CACNG3: variants seen among roughly 807,000 people sequenced by gnomAD.
CACNG3 encodes the protein calcium voltage-gated channel auxiliary subunit gamma 3, also known as voltage-dependent calcium channel gamma-3 subunit.
In CACNG3, 3 loss-of-function variants were observed where a neutral mutation model predicts 28.5. That is an observed-to-expected ratio of 0.11 (90% CI 0.05 to 0.27). CACNG3 has a LOEUF of 0.27. Among genes scored for constraint, CACNG3 ranks in the 10% least tolerant of loss-of-function variants. The probability of loss-of-function intolerance (pLI) is 1.00; values close to 1 mark genes in which losing one functional copy is unlikely to be tolerated. For synonymous variants in CACNG3, 174 were observed against 162.2 expected (o/e 1.07, Z -0.55); for missense variants, 236 against 414.4 (o/e 0.57, Z 3.74).
rs143753573 is a variant in CACNG3 at position 24,361,186 on chromosome 16, A to C, written c.437-166A>C. Among the ~76,000 whole-genome samples, 25 of 152,290 alleles carry C rather than the reference A, an allele frequency of 1.6e-4. No homozygotes were observed. In the East Asian group the frequency reaches 2.7e-3, roughly 16 times the overall value. On this transcript the variant is annotated intron_variant, in intron 3 of 3. Coordinates refer to ENST00000005284, the MANE Select transcript of CACNG3 (RefSeq NM_006539.4). The surrounding 1 kb of genome is among the most constrained non-coding windows in gnomAD (Gnocchi z 6.8). ...TGAGCAGCAGAATTCTTCATTTCCTAAGTGACAGACCATGCAAGAAGAACT... is the reference window on the plus strand; with the variant it reads ...TGAGCAGCAGAATTCTTCATTTCCTCAGTGACAGACCATGCAAGAAGAACT...
At chr16:24,322,174 C>T (rs1384414735) in intron 1 of CACNG3, among the ~76,000 whole-genome samples, 1 of 152,158 alleles carries the variant, frequency 6.6e-6, no homozygotes, top group Admixed American at 6.5e-5. Flanking sequence ...CCCTCACCCC[C>T]ACCCTGTGCC....
At chr16:24,272,189 C>T (rs1283208300) in intron 1 of CACNG3, among the ~76,000 whole-genome samples, 2 of 149,638 alleles carry the variant, frequency 1.3e-5, no homozygotes, top group East Asian at 1.9e-4. Context: ...TATATTTTTC[C>T]TATTGTATTT....
intron 1 of CACNG3, among the ~76,000 whole-genome samples, chr16:24,322,199 C>T (rs948915432): frequency 3.9e-5 from 6 of 152,194 alleles, no homozygotes; most frequent in African/African-American, 9.7e-5. Context: ...TGATGACTCT[C>T]ACTCTCCCAT....
chr16:24,259,935 T>C (rs1235470536), intron 1 of CACNG3, among the ~76,000 whole-genome samples: 3 of 152,356 alleles, frequency 2.0e-5, no homozygotes, highest in Admixed American at 1.3e-4. Context: ...CCTGCTTCCA[T>C]AGGTCTGAGG....
At chr16:24,359,509 A>G (rs1175574112) in intron 3 of CACNG3, among the ~76,000 whole-genome samples, 1 of 152,198 alleles carries the variant, frequency 6.6e-6, no homozygotes, top group Admixed American at 6.5e-5. Context: ...GAGAAGCAGC[A>G]AATTTTAGCC....
intron 1 of CACNG3, among the ~76,000 whole-genome samples, chr16:24,281,003 C>T (rs1302454745): frequency 6.6e-6 from 1 of 151,886 alleles, no homozygotes; most frequent in Non-Finnish European, 1.5e-5. Flanking sequence ...AGAGAAAAAG[C>T]CCTATTGCTC....
At chr16:24,335,429 C>CATAT (rs1227911147) in intron 1 of CACNG3, among the ~76,000 whole-genome samples, 12 of 151,932 alleles carry the variant, frequency 7.9e-5, no homozygotes, top group African/African-American at 2.9e-4. Flanking sequence ...CAAATACATA[C>CATAT]ATACATACAT....
At chr16:24,348,970 C>T (rs748227832) in intron 2 of CACNG3, among the ~76,000 whole-genome samples, 6 of 152,226 alleles carry the variant, frequency 3.9e-5, no homozygotes, top group Admixed American at 6.5e-5. Context: ...CCTCTCTCCT[C>T]ACCCCTAGCC....
rs756804068 is a variant in CACNG3, at chr16:24,361,491, A to G, written c.576A>G (p.Val192=). 1.9e-6 allele frequency: 3 copies of G among 1,614,104 alleles called. No homozygotes were observed. Residue 192 remains valine, a synonymous_variant, in exon 4 of 4, where the codon GTA becomes GTG. Transcript: ENST00000005284. The surrounding 1 kb of genome is among the most constrained non-coding windows in gnomAD (Gnocchi z 6.8). ...TCTCTTTCATCATCGCAGAAATTGT[A>G]GGAGTGGTTGCCGTGCACATCTATA... The part of the protein sequence containing the change: ...GAFSFIIAEI[V]GVVAVHIYIE...
intron 1 of CACNG3, among the ~76,000 whole-genome samples, chr16:24,299,145 C>T (rs999613732): frequency 2.0e-5 from 3 of 152,128 alleles, no homozygotes; most frequent in Non-Finnish European, 2.9e-5. Flanking sequence ...CTTGAGGGGG[C>T]TGTGTTTACA....
chr16:24,340,095 C>T (rs186697925), intron 1 of CACNG3, among the ~76,000 whole-genome samples: 1 of 152,204 alleles, frequency 6.6e-6, no homozygotes, highest in East Asian at 1.9e-4. Flanking sequence ...CATGGCAAGA[C>T]CCCCATCTCT....
At chr16:24,282,735 T>A (rs1898845626) in intron 1 of CACNG3, among the ~76,000 whole-genome samples, 1 of 152,236 alleles carries the variant, frequency 6.6e-6, no homozygotes, top group Non-Finnish European at 1.5e-5. Context: ...CACATATGTA[T>A]GTATATGTGT....
intron 1 of CACNG3, among the ~76,000 whole-genome samples, chr16:24,294,710 T>C (rs1899008509): frequency 6.6e-6 from 1 of 152,022 alleles, no homozygotes; most frequent in African/African-American, 2.4e-5. Flanking sequence ...ACAAATAAGA[T>C]ATTTTAGAAA....
chr16:24,330,161 C>T (rs907738903), intron 1 of CACNG3, among the ~76,000 whole-genome samples: 9 of 152,226 alleles, frequency 5.9e-5, no homozygotes, highest in African/African-American at 2.2e-4. Flanking sequence ...ATGTGCGTAG[C>T]TGCATTAGGG....
intron 1 of CACNG3, among the ~76,000 whole-genome samples, chr16:24,281,222 G>T (rs779081791): frequency 2.6e-5 from 4 of 151,976 alleles, no homozygotes; most frequent in Non-Finnish European, 5.9e-5. Flanking sequence ...TTGAGACAGG[G>T]TCTCACTCTG....
rs199810609 is a variant in CACNG3 at position 24,326,905 on chromosome 16, CCCTGCCA to C, written c.212-19824_212-19818del. Among the ~76,000 whole-genome samples the C allele has an allele frequency of 2.6e-5, 4 of 151,980 alleles. No individual in the cohort carries two copies. In the East Asian group the frequency reaches 7.8e-4, roughly 30 times the overall value. On this transcript the variant is annotated intron_variant, in intron 1 of 3. Transcript: ENST00000005284. Reference sequence around the variant, plus strand: ...AGAGAAACACGCCATGATCTCGCTCCCCTGCCACCTGATCCTGAACCAGTCTAGCTAA... The same window carrying C: ...AGAGAAACACGCCATGATCTCGCTCCCCTGATCCTGAACCAGTCTAGCTAA...
intron 1 of CACNG3, among the ~76,000 whole-genome samples, chr16:24,263,209 T>G (rs922468440): frequency 3.9e-5 from 6 of 152,182 alleles, no homozygotes; most frequent in African/African-American, 1.2e-4. Flanking sequence ...GGATTTATTC[T>G]CTCCTCTCCT....
At chr16:24,307,013 C>G (rs1899194851) in intron 1 of CACNG3, among the ~76,000 whole-genome samples, 1 of 152,182 alleles carries the variant, frequency 6.6e-6, no homozygotes, top group African/African-American at 2.4e-5. Flanking sequence ...CTGCCTCAGC[C>G]AAGGTCACAC....
intron 1 of CACNG3, among the ~76,000 whole-genome samples, chr16:24,323,238 AAAG>A (rs1398834100): frequency 1.4e-5 from 2 of 144,400 alleles, no homozygotes; most frequent in Non-Finnish European, 3.1e-5. Flanking sequence ...AAAAAAAAAA[AAAG>A]AGAGAGAGAG....
Sources: allele counts gnomAD v4.1 joint callset (sites outside exome capture counted in the v4.1 genomes callset), GRCh38; gene constraint gnomAD v4.1.1; non-coding constraint Gnocchi (gnomAD v3.1); transcripts MANE v1.5; gene names NCBI Gene and HGNC (gene_info 2026-07-23, HGNC 2026-07-21).